The following PRP4K variants were observed in gnomAD, a reference collection of about 807,000 sequenced individuals.
The protein encoded by PRP4K is pre-mRNA processing factor kinase PRP4K.
chr6:4,022,781 G>A, the PRP4K span, among the ~76,000 whole-genome samples: 13 of 152,172 alleles, frequency 8.5e-5, no homozygotes, highest in Admixed American at 7.2e-4. Flanking sequence ...TTCTCACCAA[G>A]TTCATTGTGT....
chr6:4,054,151 T>G, the PRP4K span, among the ~76,000 whole-genome samples: 1 of 152,158 alleles, frequency 6.6e-6, no homozygotes, highest in Non-Finnish European at 1.5e-5. Flanking sequence ...ATCCTCCTGC[T>G]GCAGCCTCCC....
chr6:4,040,899 G>A, the PRP4K span: 1 of 1,613,780 alleles, frequency 6.2e-7, no homozygotes, highest in Non-Finnish European at 8.5e-7. Context: ...AGGAATGAAA[G>A]TTGAGCAGGA....
At chr6:4,043,824 C>T in the PRP4K span, 8 of 1,613,904 alleles carry the variant, frequency 5.0e-6, no homozygotes, top group African/African-American at 8.0e-5. Context: ...AATATAAATA[C>T]CTTGCTGAAG....
chr6:4,038,507 G>A, the PRP4K span, among the ~76,000 whole-genome samples: 1 of 151,198 alleles, frequency 6.6e-6, no homozygotes, highest in African/African-American at 2.4e-5. Context: ...TGGTCAGGCT[G>A]GTCTCGAACT....
the PRP4K span, among the ~76,000 whole-genome samples, chr6:4,030,369 A>G: frequency 6.6e-6 from 1 of 152,224 alleles, no homozygotes; most frequent in Non-Finnish European, 1.5e-5. Flanking sequence ...TACTAAAAGT[A>G]TAGGAGTATA....
chr6:4,054,942 T>A, the PRP4K span, among the ~76,000 whole-genome samples: 4 of 152,248 alleles, frequency 2.6e-5, no homozygotes, highest in Non-Finnish European at 5.9e-5. Flanking sequence ...AAGAAACTCT[T>A]GTTTTTAAAA....
chr6:4,040,816 G>A, the PRP4K span: 2 of 1,614,050 alleles, frequency 1.2e-6, no homozygotes, highest in Non-Finnish European at 1.7e-6. Context: ...AGGCGGTCTC[G>A]ATCACGCGGT....
chr6:4,030,612 A>G, the PRP4K span, among the ~76,000 whole-genome samples: 1 of 152,270 alleles, frequency 6.6e-6, no homozygotes, highest in African/African-American at 2.4e-5. Flanking sequence ...TTAACTCAGC[A>G]TAAGCCAAAC....
At chr6:4,037,910 C>G in the PRP4K span, among the ~76,000 whole-genome samples, 1 of 150,588 alleles carries the variant, frequency 6.6e-6, no homozygotes, top group Non-Finnish European at 1.5e-5. Context: ...AAATATATAG[C>G]CCAGTTTCTT....
chr6:4,042,664 G>T, the PRP4K span: 1 of 847,088 alleles, frequency 1.2e-6, no homozygotes, highest in Non-Finnish European at 1.8e-6. Flanking sequence ...CAGGTCCTTA[G>T]AAAAGGATAG....
the PRP4K span, chr6:4,037,657 C>G: frequency 7.7e-7 from 1 of 1,290,388 alleles, no homozygotes; most frequent in African/African-American, 1.5e-5. Flanking sequence ...TCTTTTAGAC[C>G]AGTTTTCTCT....
the PRP4K span, among the ~76,000 whole-genome samples, chr6:4,051,591 A>ACAGGCATGAG: frequency 6.6e-6 from 1 of 152,224 alleles, no homozygotes; most frequent in Non-Finnish European, 1.5e-5. Flanking sequence ...TTCTGGGATT[A>ACAGGCATGAG]CAGGCATGAG....
chr6:4,037,150 C>T, the PRP4K span, among the ~76,000 whole-genome samples: 131 of 152,008 alleles, frequency 8.6e-4, 1 homozygote, highest in African/African-American at 3.1e-3. Flanking sequence ...GTGACTTTAC[C>T]GGTATGAATA....
the PRP4K span, among the ~76,000 whole-genome samples, chr6:4,048,335 C>T: frequency 6.8e-6 from 1 of 147,698 alleles, no homozygotes; most frequent in African/African-American, 2.5e-5. Context: ...GCGGAGATCG[C>T]GCCACTGCAC....
chr6:4,032,098 A>G, the PRP4K span: 13 of 1,613,094 alleles, frequency 8.1e-6, no homozygotes, highest in Non-Finnish European at 7.6e-6. Context: ...CGGACTAGAC[A>G]TAGGTCTGAT....
chr6:4,064,118 G>A, the PRP4K span: 15 of 152,228 alleles, frequency 9.9e-5, no homozygotes, highest in Non-Finnish European at 2.1e-4. Flanking sequence ...CCCTTAAATC[G>A]TTATTAATAC....
the PRP4K span, among the ~76,000 whole-genome samples, chr6:4,025,359 T>A: frequency 6.6e-6 from 1 of 152,234 alleles, no homozygotes; most frequent in Non-Finnish European, 1.5e-5. Flanking sequence ...ACAGGCCCAT[T>A]GTATGTAATA....
the PRP4K span, chr6:4,058,825 T>TA: frequency 1.3e-6 from 2 of 1,572,500 alleles, no homozygotes; most frequent in Non-Finnish European, 1.7e-6. Context: ...GTAAGTGTTT[T>TA]AAATGCAGCA....
the PRP4K span, among the ~76,000 whole-genome samples, chr6:4,054,646 A>G: frequency 1.3e-5 from 2 of 152,200 alleles, no homozygotes; most frequent in African/African-American, 4.8e-5. Flanking sequence ...AACTGGGATT[A>G]CAGGCAGGGG....
Sources: gnomAD v4.1 joint callset for allele counts (sites outside exome capture counted in the v4.1 genomes callset) on GRCh38, gnomAD v4.1.1 for gene constraint, MANE v1.5 for transcripts, NCBI Gene and HGNC (gene_info 2026-07-23, HGNC 2026-07-21) for gene names.